The following ANK2 variants were observed in gnomAD, a reference collection of about 807,000 sequenced individuals.
ANK2 encodes ankyrin 2.
A neutral mutation model predicts 360.5 loss-of-function variants in ANK2; 83 were observed. The ratio of observed to expected loss-of-function variants is 0.23; its 90% CI spans 0.19 to 0.28. ANK2 has a LOEUF of 0.28. ANK2 is among the 10% of genes least tolerant of loss of function. The pLI is 1.00. For missense variants in ANK2, 4,201 were observed against 4,795.7 expected (o/e 0.88, Z 3.66); for synonymous variants, 1,740 against 1,759.5 (o/e 0.99, Z 0.28).
rs1410503086 is a variant in ANK2, at chr4:113,232,054, T to G, written c.385-107T>G. 10 of 781,710 alleles carry G rather than the reference T, an allele frequency of 1.3e-5. 1 individual carries two copies. Among genetic ancestry groups the G allele is most frequent in the Admixed American group, 3.8e-5 (2 of 52,350 alleles). The allele number at this position is 781,710 out of a possible 1,614,324, so 48.4% of individuals were successfully genotyped here. A position where few individuals can be genotyped will look rare whatever the true frequency, so the allele number is the denominator to read the frequency against. ...AATGATAAATATGTGTATAATTTAT[T>G]CAGTATGAAAGTATTTTACCTATCT... On this transcript the variant is annotated intron_variant, in intron 4 of 45. Coordinates refer to ENST00000357077, the MANE Select transcript of ANK2 (RefSeq NM_001148.6).
chr4:113,090,056 A>G lies in ANK2; in HGVS notation c.84+40244A>G, dbSNP rs1032556369. On this transcript the variant is annotated intron_variant, in intron 1 of 45. Coordinates refer to ENST00000357077, the MANE Select transcript of ANK2 (RefSeq NM_001148.6). ...GTTTTCCATTCTTTGGGCAGTTAAT[A>G]GTATTACAGCCAGATGTCCTCATAC... Among the ~76,000 whole-genome samples the G allele has an allele frequency of 2.6e-5, 4 of 152,342 alleles. No individual in the cohort carries two copies. The East Asian group carries it at 7.7e-4, about 29-fold the overall frequency.
chr4:113,232,122 A>G, intron 4 of ANK2, 39 bp from the exon 5 acceptor site: 2 of 1,424,562 alleles, frequency 1.4e-6, no homozygotes, highest in East Asian at 2.3e-5. Context: ...TCTCTTATAC[A>G]AATGATTGAA....
At chr4:112,716,740 C>T in the ANK2 span, among the ~76,000 whole-genome samples, 1 of 152,252 alleles carries the variant, frequency 6.6e-6, no homozygotes, top group Admixed American at 6.5e-5. Flanking sequence ...CTCTAATAAT[C>T]TGTAAACATG....
At chr4:113,366,391 CTTT>C (rs58588518) in intron 41 of ANK2, among the ~76,000 whole-genome samples, 2 of 108,364 alleles carry the variant, frequency 1.8e-5, no homozygotes. Flanking sequence ...TTCTTGCTTC[CTTT>C]TTTTTTTTTT....
At chr4:112,881,960 T>C (rs1417961097) in intron 1 of ANK2, 12 of 625,000 alleles carry the variant, frequency 1.9e-5, no homozygotes, top group East Asian at 8.5e-5. Flanking sequence ...TCCTCCACAG[T>C]GGCATACGTG....
rs1159096479 is a variant in ANK2, at chr4:113,356,517, T to A, written c.7899T>A (p.Asp2633Glu). 1 of 1,614,016 alleles carries A rather than the reference T, an allele frequency of 6.2e-7. No homozygotes were observed. Among genetic ancestry groups the A allele is most frequent in the Non-Finnish European group, 8.5e-7 (1 of 1,179,996 alleles). Residue 2633 changes from aspartate (D) to glutamate (E), a missense_variant, in exon 38 of 46, where the codon GAT becomes GAA. Coordinates refer to ENST00000357077, the MANE Select transcript of ANK2 (RefSeq NM_001148.6). ...SSDPDADCSV[D>E]VDEPKHTGSG... ...ACCCAGATGCTGACTGTTCAGTAGATGTGGATGAACCAAAACATACAGGCA... is the reference window on the plus strand; with the variant it reads ...ACCCAGATGCTGACTGTTCAGTAGAAGTGGATGAACCAAAACATACAGGCA...
intron 24 of ANK2, among the ~76,000 whole-genome samples, chr4:113,314,833 AT>A (rs1394744180): frequency 6.6e-6 from 1 of 152,212 alleles, no homozygotes; most frequent in Non-Finnish European, 1.5e-5. Context: ...GCAGTTAGAA[AT>A]GATACACATT....
At chr4:112,720,061 C>T in the ANK2 span, among the ~76,000 whole-genome samples, 1 of 152,106 alleles carries the variant, frequency 6.6e-6, no homozygotes, top group African/African-American at 2.4e-5. Context: ...TTCCTACCAG[C>T]GTTCTTTATC....
intron 2 of ANK2, among the ~76,000 whole-genome samples, chr4:112,933,650 T>A (rs1037626319): frequency 4.0e-5 from 6 of 151,316 alleles, no homozygotes; most frequent in Non-Finnish European, 8.8e-5. Context: ...ACAGGCATGC[T>A]CCACCAAGCC....
chr4:112,995,070 A>G (rs1305115218), intron 2 of ANK2, among the ~76,000 whole-genome samples: 3 of 152,228 alleles, frequency 2.0e-5, no homozygotes, highest in Non-Finnish European at 4.4e-5. Flanking sequence ...ATGAACATAC[A>G]TATGAGTGCA....
At chr4:113,178,768 G>A (rs1298916116) in intron 2 of ANK2, among the ~76,000 whole-genome samples, 2 of 152,152 alleles carry the variant, frequency 1.3e-5, no homozygotes, top group South Asian at 4.1e-4. Context: ...CAACTGAGAT[G>A]AAATATTGTG....
At chr4:113,371,427 T>C (rs1178478992) in intron 43 of ANK2, among the ~76,000 whole-genome samples, 2 of 152,248 alleles carry the variant, frequency 1.3e-5, no homozygotes, top group African/African-American at 4.8e-5. Context: ...TTACATGTTA[T>C]CTAGGCTAAA....
At chr4:112,939,458 T>C (rs912225127) in intron 2 of ANK2, among the ~76,000 whole-genome samples, 8 of 148,806 alleles carry the variant, frequency 5.4e-5, no homozygotes, top group African/African-American at 2.0e-4. Context: ...TACAGGCGTG[T>C]GCCACCATGC....
intron 2 of ANK2, among the ~76,000 whole-genome samples, chr4:113,000,755 C>A (rs766529622): frequency 4.6e-5 from 7 of 152,204 alleles, no homozygotes; most frequent in Non-Finnish European, 8.8e-5. Context: ...AGCAAAGTAA[C>A]TCAAAACTGT....
chr4:113,232,807 GGACATCTA>G (rs1342562283), intron 5 of ANK2, among the ~76,000 whole-genome samples: 1 of 152,190 alleles, frequency 6.6e-6, no homozygotes, highest in Non-Finnish European at 1.5e-5. Context: ...AAGAGTTCCA[GGACATCTA>G]GACATAAGAA....
At chr4:113,210,309 G>A (rs1243025032) in intron 4 of ANK2, among the ~76,000 whole-genome samples, 1 of 152,136 alleles carries the variant, frequency 6.6e-6, no homozygotes, top group African/African-American at 2.4e-5. Flanking sequence ...TTATGTTTTA[G>A]GGACAATTTT....
Position 113,250,761 on chromosome 4 carries a change from C to A in ANK2, c.990+899C>A, listed in dbSNP as rs552444787. Among the ~76,000 whole-genome samples the A allele has an allele frequency of 7.3e-5, 10 of 137,894 alleles. 1 individual carries two copies. The highest frequency in any genetic ancestry group is 2.8e-4 in the South Asian group (1 of 3,548). The allele number at this position is 137,894 out of a possible 152,430, so 90.5% of individuals were successfully genotyped here. On this transcript the variant is annotated intron_variant, in intron 10 of 45. Coordinates refer to ENST00000357077, the MANE Select transcript of ANK2 (RefSeq NM_001148.6). ...CATTCCACCTCATACCACCGCCCCC[C>A]CCCCCGACAGAGTTGGTATCAACTA...
At chr4:112,940,425 G>A (rs1345617880) in intron 2 of ANK2, among the ~76,000 whole-genome samples, 2 of 152,056 alleles carry the variant, frequency 1.3e-5, no homozygotes, top group African/African-American at 2.4e-5. Context: ...CACAATAAAA[G>A]GAGCTAGTGA....
At chr4:112,726,122 A>C in the ANK2 span, among the ~76,000 whole-genome samples, 1 of 152,072 alleles carries the variant, frequency 6.6e-6, no homozygotes, top group African/African-American at 2.4e-5. Context: ...GCATTTCAGC[A>C]GATGTTAAAG....
Sources: allele counts gnomAD v4.1 joint callset (sites outside exome capture counted in the v4.1 genomes callset), GRCh38; gene constraint gnomAD v4.1.1; transcripts MANE v1.5; gene names NCBI Gene and HGNC (gene_info 2026-07-23, HGNC 2026-07-21).